The following CSGALNACT1 variants were observed in gnomAD, a reference collection of about 807,000 sequenced individuals.
CSGALNACT1 encodes the protein chondroitin sulfate N-acetylgalactosaminyltransferase 1, also known as beta4GalNAcT-1.
A neutral mutation model predicts 51.0 loss-of-function variants in CSGALNACT1; 52 were observed. The ratio of observed to expected loss-of-function variants is 1.02; its 90% CI spans 0.82 to 1.29. The LOEUF (loss-of-function observed/expected upper bound fraction) is 1.29, where lower values mean the gene tolerates loss of function less well. Among genes scored for constraint, CSGALNACT1 ranks in the 50% most tolerant of loss-of-function variants. CSGALNACT1 has a pLI of 0.00. For synonymous variants in CSGALNACT1, 341 were observed against 254.4 expected (o/e 1.34, Z -3.24); for missense variants, 935 against 679.2 (o/e 1.38, Z -4.19).
intron 1 of CSGALNACT1, among the ~76,000 whole-genome samples, chr8:19,608,285 C>G (rs768146907): frequency 2.6e-5 from 4 of 152,172 alleles, no homozygotes; most frequent in Non-Finnish European, 5.9e-5. Flanking sequence ...TTATACATTC[C>G]CACACCTTAT....
chr8:19,462,737 G>A (rs1011291598), intron 4 of CSGALNACT1, among the ~76,000 whole-genome samples: 3 of 151,710 alleles, frequency 2.0e-5, no homozygotes, highest in African/African-American at 7.3e-5. Context: ...TTTTTAGCTG[G>A]TTTCTCTATA....
intron 3 of CSGALNACT1, among the ~76,000 whole-genome samples, chr8:19,551,853 G>A (rs2088197632): frequency 6.6e-6 from 1 of 152,078 alleles, no homozygotes; most frequent in African/African-American, 2.4e-5. Flanking sequence ...AGTAGTCTTA[G>A]GAGGACAAAG....
intron 1 of CSGALNACT1, among the ~76,000 whole-genome samples, chr8:19,709,312 A>G (rs1190305627): frequency 1.3e-5 from 2 of 152,218 alleles, no homozygotes; most frequent in African/African-American, 4.8e-5. Flanking sequence ...CGTTATATGT[A>G]TATATTATAC....
intron 4 of CSGALNACT1, among the ~76,000 whole-genome samples, chr8:19,480,949 C>A (rs60094805): frequency 0.035 from 5,389 of 152,234 alleles, 149 homozygotes; most frequent in East Asian, 0.12. Flanking sequence ...GCTGTTTTGG[C>A]TCTCCTACGA....
intron 4 of CSGALNACT1, among the ~76,000 whole-genome samples, chr8:19,478,857 CT>C (rs1297104238): frequency 6.6e-6 from 1 of 152,150 alleles, no homozygotes; most frequent in African/African-American, 2.4e-5. Flanking sequence ...ATATCAAGAA[CT>C]TTCCAGACCT....
At chr8:19,452,213 G>T (rs1169578791) in intron 5 of CSGALNACT1, among the ~76,000 whole-genome samples, 1 of 152,214 alleles carries the variant, frequency 6.6e-6, no homozygotes, top group East Asian at 1.9e-4. Flanking sequence ...TCGTTGGCGA[G>T]AAAACAGAGG....
chr8:19,730,997 T>C (rs1300595900), intron 1 of CSGALNACT1, among the ~76,000 whole-genome samples: 1 of 152,108 alleles, frequency 6.6e-6, no homozygotes, highest in Non-Finnish European at 1.5e-5. Context: ...CGTCAGAGAA[T>C]GGAGAATTAA....
chr8:19,582,349 C>T lies in CSGALNACT1; in HGVS notation c.-297+8811G>A, dbSNP rs1324653296. The stretch of plus-strand genomic sequence containing the variant: ...GAAAGACTACTTAGATAATATAAAA[C>T]TTACAATGTACATTAGCAAAACTGT... On this transcript the variant is annotated intron_variant, in intron 3 of 9. Coordinates refer to ENST00000454498, the Ensembl canonical transcript of CSGALNACT1. Among the ~76,000 whole-genome samples the T allele has an allele frequency of 2.0e-5, 3 of 152,144 alleles. No homozygotes were observed. The East Asian group carries it at 5.8e-4, about 29-fold the overall frequency.
intron 1 of CSGALNACT1, among the ~76,000 whole-genome samples, chr8:19,741,560 C>CAAAAA (rs71545567): frequency 2.8e-5 from 3 of 108,802 alleles, no homozygotes; most frequent in African/African-American, 9.9e-5. Context: ...GAGACTCCAT[C>CAAAAA]AAAAAAAAAA....
At chr8:19,406,623 TAAAAAAA>T (rs33985548) in intron 9 of CSGALNACT1, among the ~76,000 whole-genome samples, 2,064 of 72,158 alleles carry the variant, frequency 0.029, 29 homozygotes, top group East Asian at 0.046. Flanking sequence ...AGAGGTTTCG[TAAAAAAA>T]AAAAAAAAAA....
intron 4 of CSGALNACT1, among the ~76,000 whole-genome samples, chr8:19,480,642 C>G (rs903843408): frequency 6.6e-6 from 1 of 152,136 alleles, no homozygotes; most frequent in Non-Finnish European, 1.5e-5. Flanking sequence ...ACAAACCTAG[C>G]AAAGAGCATA....
At chr8:19,626,892 T>C (rs760825421) in intron 1 of CSGALNACT1, among the ~76,000 whole-genome samples, 1 of 152,088 alleles carries the variant, frequency 6.6e-6, no homozygotes, top group East Asian at 1.9e-4. Context: ...GAATAAAAAA[T>C]AGTGATAATA....
At chr8:19,734,432 C>T (rs1589752396) in intron 1 of CSGALNACT1, among the ~76,000 whole-genome samples, 1 of 152,130 alleles carries the variant, frequency 6.6e-6, no homozygotes, top group East Asian at 1.9e-4. Flanking sequence ...AGACAAATGC[C>T]CAGCCATGAC....
At chr8:19,405,594 G>T in exon 10 of CSGALNACT1, 1 of 822,936 alleles carries the variant, frequency 1.2e-6, no homozygotes, top group African/African-American at 1.7e-5. Flanking sequence ...TACTTTTGCA[G>T]GCAAAGCGGA....
intron 3 of CSGALNACT1, among the ~76,000 whole-genome samples, chr8:19,508,031 G>A (rs1432837237): frequency 6.6e-6 from 1 of 152,152 alleles, no homozygotes; most frequent in Non-Finnish European, 1.5e-5. Context: ...TGATCCTCAT[G>A]ATAACTAAAT....
intron 3 of CSGALNACT1, among the ~76,000 whole-genome samples, chr8:19,578,147 T>C (rs1051649048): frequency 1.3e-5 from 2 of 152,220 alleles, no homozygotes; most frequent in Non-Finnish European, 2.9e-5. Context: ...TAAGGTAACA[T>C]GTGGGCTACC....
chr8:19,418,343 A>G (rs1278725001), intron 8 of CSGALNACT1, among the ~76,000 whole-genome samples: 1 of 152,182 alleles, frequency 6.6e-6, no homozygotes, highest in Admixed American at 6.5e-5. Context: ...AGGATTTTGC[A>G]AAAATCAAGA....
intron 1 of CSGALNACT1, among the ~76,000 whole-genome samples, chr8:19,628,073 T>C (rs1355651273): frequency 6.6e-6 from 1 of 152,216 alleles, no homozygotes; most frequent in Non-Finnish European, 1.5e-5. Context: ...TTGAGCACTG[T>C]GTGCTGACAT....
At chr8:19,473,935 G>A (rs1171142464) in intron 4 of CSGALNACT1, among the ~76,000 whole-genome samples, 3 of 152,200 alleles carry the variant, frequency 2.0e-5, no homozygotes, top group Non-Finnish European at 4.4e-5. Flanking sequence ...ATTCATCTAT[G>A]CCAGTAGAAA....
Sources: allele counts gnomAD v4.1 joint callset (sites outside exome capture counted in the v4.1 genomes callset), GRCh38; gene constraint gnomAD v4.1.1; transcripts MANE v1.5; gene names NCBI Gene and HGNC (gene_info 2026-07-23, HGNC 2026-07-21).